C5orf24: variants seen among roughly 807,000 people sequenced by gnomAD.
C5orf24 encodes the protein chromosome 5 open reading frame 24, also known as UPF0461 protein C5orf24.
In C5orf24, 4 loss-of-function variants were observed where a neutral mutation model predicts 9.8. The observed-to-expected ratio is 0.41, with a 90% CI of 0.20 to 0.93. The LOEUF is 0.93. C5orf24 is among the 40% of genes least tolerant of loss of function. The pLI is 0.33. For missense variants in C5orf24, 170 were observed against 236.9 expected, an observed-to-expected ratio of 0.72 and a Z score of 1.85; for synonymous variants, 73 against 81.3, an observed-to-expected ratio of 0.90 and a Z score of 0.55.
At chr5:134,840,305 C>CA in the C5orf24 span, among the ~76,000 whole-genome samples, 2,997 of 52,448 alleles carry the variant, frequency 0.057, 124 homozygotes, top group African/African-American at 0.098. Flanking sequence ...GACTGCATCT[C>CA]AAAAAAAAAA....
the C5orf24 span, among the ~76,000 whole-genome samples, chr5:134,839,792 C>T: frequency 6.6e-6 from 1 of 151,436 alleles, no homozygotes; most frequent in African/African-American, 2.4e-5. Context: ...CAGGTTCAAG[C>T]AGTTCTCGTG....
chr5:134,854,747 G>T (rs550066488), intron 1 of C5orf24, among the ~76,000 whole-genome samples, 151 bp from the exon 2 acceptor site: 4 of 152,174 alleles, frequency 2.6e-5, no homozygotes, highest in Non-Finnish European at 5.9e-5. Flanking sequence ...ATGTGTGTTT[G>T]TTTATAAGTG....
At chr5:134,849,673 T>TC (rs1288922140) in intron 1 of C5orf24, among the ~76,000 whole-genome samples, 2 of 147,172 alleles carry the variant, frequency 1.4e-5, no homozygotes, top group African/African-American at 5.0e-5. Flanking sequence ...TTTTTTTTTT[T>TC]TAAAGAGAGA....
At chr5:134,850,610 T>C (rs890444825) in intron 1 of C5orf24, among the ~76,000 whole-genome samples, 4 of 151,890 alleles carry the variant, frequency 2.6e-5, no homozygotes, top group Non-Finnish European at 4.4e-5. Context: ...GTAGCTGGGA[T>C]TACAGGCGTG....
rs762710710 is a variant in C5orf24, at chr5:134,850,937, T to TATATATAC, written c.-3-3960_-3-3959insTATATACA. ...GAATGTTCATATATATATATATATA[T>TATATATAC]ACACACACACACACACACTACACAC... On this transcript the variant is annotated intron_variant, in intron 1 of 1. Transcript: ENST00000394976. 3.8e-3 allele frequency among the ~76,000 whole-genome samples: 558 copies of TATATATAC among 147,044 alleles called. 3 individuals are homozygous for TATATATAC. Among genetic ancestry groups the TATATATAC allele is most frequent in the African/African-American group, 0.013 (534 of 39,886 alleles).
At chr5:134,840,743 C>T (rs1464421620), upstream of C5orf24, among the ~76,000 whole-genome samples, 2 of 151,670 alleles carry the variant, frequency 1.3e-5, no homozygotes, top group African/African-American at 2.4e-5. Flanking sequence ...ATGTTGTTGC[C>T]TAGGCTGATC....
the C5orf24 span, among the ~76,000 whole-genome samples, chr5:134,837,190 C>A: frequency 3.3e-5 from 5 of 152,082 alleles, no homozygotes; most frequent in African/African-American, 1.2e-4. Context: ...TCAGGCTGGT[C>A]TAGAACTCCC....
At chr5:134,853,318 G>T (rs966497548) in intron 1 of C5orf24, among the ~76,000 whole-genome samples, 2 of 148,892 alleles carry the variant, frequency 1.3e-5, no homozygotes, top group Non-Finnish European at 3.0e-5. Context: ...CCAAGATTGT[G>T]CCATTGCACT....
rs1046834798 is a variant in C5orf24, at chr5:134,855,227, C to T, written c.327C>T (p.Pro109=). ...GATACCGGACCAGCACAGGCAGACCCCTGGGAACCACCAAAGCAGCTGGAT... is the reference window on the plus strand; with the variant it reads ...GATACCGGACCAGCACAGGCAGACCTCTGGGAACCACCAAAGCAGCTGGAT... ...SAGYRTSTGR[P]LGTTKAAGFK... is the part of the protein sequence containing the mutation. Residue 109 remains proline, a synonymous_variant, in exon 2 of 2, where the codon CCC becomes CCT. Transcript: ENST00000394976. 3 of 1,613,988 alleles carry T rather than the reference C, an allele frequency of 1.9e-6. No individual in the cohort carries two copies. The highest frequency in any genetic ancestry group is 2.5e-6 in the Non-Finnish European group (3 of 1,180,022).
At chr5:134,848,492 A>G (rs1756058658) in intron 1 of C5orf24, among the ~76,000 whole-genome samples, 1 of 149,128 alleles carries the variant, frequency 6.7e-6, no homozygotes, top group African/African-American at 2.5e-5. Flanking sequence ...CCTCGTTTCT[A>G]CTAAAAAAAA....
chr5:134,854,858 G>A (rs761536554), intron 1 of C5orf24, 40 bp from the exon 2 acceptor site: 3 of 1,593,348 alleles, frequency 1.9e-6, no homozygotes, highest in East Asian at 2.2e-5. Flanking sequence ...ATGTATTTGT[G>A]TGTGTGTATT....
the C5orf24 span, among the ~76,000 whole-genome samples, chr5:134,838,136 G>C: frequency 6.6e-6 from 1 of 152,146 alleles, no homozygotes; most frequent in East Asian, 1.9e-4. Flanking sequence ...AAGGTCTTTA[G>C]AGGCAGCCAA....
Position 134,855,410 on chromosome 5 carries a change from C to T in C5orf24, c.510C>T (p.Gly170=). 3.1e-6 allele frequency: 5 copies of T among 1,614,192 alleles called. No homozygotes were observed. The highest frequency in any genetic ancestry group is 4.2e-6 in the Non-Finnish European group (5 of 1,180,038). ...CTTTTCCTTACCCTATGATGCATGGCAGAGCAGTTCATGGGGTAGAGGAAA... is the reference window on the plus strand; with the variant it reads ...CTTTTCCTTACCCTATGATGCATGGTAGAGCAGTTCATGGGGTAGAGGAAA... The part of the protein sequence containing the change: ...TAAFPYPMMH[G]RAVHGVEETS... The change falls in exon 2 of 2, where the codon GGC becomes GGT. Residue 170 remains glycine (G), a synonymous_variant. Coordinates refer to ENST00000394976, the MANE Select transcript of C5orf24 (RefSeq NM_001135586.1).
At chr5:134,842,414 C>T (rs998105356), upstream of C5orf24, among the ~76,000 whole-genome samples, 1 of 151,254 alleles carries the variant, frequency 6.6e-6, no homozygotes, top group African/African-American at 2.4e-5. Flanking sequence ...CGCTTGAACC[C>T]GGGAAGTGGA....
At chr5:134,853,466 A>G (rs982321415) in intron 1 of C5orf24, among the ~76,000 whole-genome samples, 3 of 150,972 alleles carry the variant, frequency 2.0e-5, no homozygotes, top group Non-Finnish European at 4.4e-5. Context: ...TATATAAAAA[A>G]AAAAAATCAC....
intron 1 of C5orf24, among the ~76,000 whole-genome samples, chr5:134,847,375 A>T (rs1756024847): frequency 3.3e-5 from 5 of 152,144 alleles, no homozygotes. Flanking sequence ...GGCTCACTGC[A>T]ACCTCTGCCT....
Position 134,856,387 on chromosome 5 carries a change from AC to A in C5orf24, c.*923del. 1 of 913,814 alleles carries A rather than the reference AC, an allele frequency of 1.1e-6. No homozygotes were observed. Among genetic ancestry groups the A allele is most frequent in the Non-Finnish European group, 1.3e-6 (1 of 751,910 alleles). 56.6% of individuals were successfully genotyped at this position (913,814 alleles called of 1,614,324 possible). On this transcript the variant is annotated 3_prime_UTR_variant, in exon 2 of 2. Coordinates refer to ENST00000394976, the MANE Select transcript of C5orf24 (RefSeq NM_001135586.1). ...TTATTGGCTGGGTGTGGTGGCTCAC[AC>A]CCAGCACTTTGGGAGGCCGAGGCAG...
chr5:134,837,201 G>A, the C5orf24 span, among the ~76,000 whole-genome samples: 2 of 151,948 alleles, frequency 1.3e-5, no homozygotes, highest in East Asian at 1.9e-4. Context: ...TAGAACTCCC[G>A]ACCTCAGGTG....
Position 134,855,020 on chromosome 5 carries a change from C to G in C5orf24, c.120C>G (p.Ser40Arg). Residue 40 changes from serine (S) to arginine (R), a missense_variant, in exon 2 of 2, where the codon AGC (serine) becomes AGG (arginine). Transcript: ENST00000394976. ...DQFDIYSSQQ[S>R]KYSHTVNHKP... ...TTGACATATATTCCTCCCAGCAAAG[C>G]AAATACAGCCACACAGTCAACCACA... 6.2e-7 allele frequency: 1 copy of G among 1,614,110 alleles called. No individual in the cohort carries two copies. Among genetic ancestry groups the G allele is most frequent in the Non-Finnish European group, 8.5e-7 (1 of 1,180,030 alleles).
Sources: allele counts gnomAD v4.1 joint callset (sites outside exome capture counted in the v4.1 genomes callset), GRCh38; gene constraint gnomAD v4.1.1; transcripts MANE v1.5; gene names NCBI Gene and HGNC (gene_info 2026-07-23, HGNC 2026-07-21).